The following MYO1E variants were observed in gnomAD, a reference collection of about 807,000 sequenced individuals.
The protein encoded by MYO1E is myosin IE, also known as unconventional myosin-Ie.
In MYO1E, 68 loss-of-function variants were observed where a neutral mutation model predicts 151.1. The observed-to-expected ratio is 0.45, with a 90% CI of 0.37 to 0.55. The LOEUF is 0.55. Ranked by LOEUF, MYO1E falls within the 20% of genes least tolerant of loss-of-function variation. MYO1E has a pLI of 0.00. For missense variants in MYO1E, 1,363 were observed against 1,389.3 expected (o/e 0.98, Z 0.30); for synonymous variants, 601 against 501.7 (o/e 1.20, Z -2.64).
Position 59,230,215 on chromosome 15 carries a change from AGTGTGTGTTTGTGTGT to A in MYO1E, c.510+1471_510+1486del, listed in dbSNP as rs367702001. Among the ~76,000 whole-genome samples the A allele has an allele frequency of 5.4e-3, 638 of 118,408 alleles. 4 individuals carry two copies. The highest frequency in any genetic ancestry group is 7.9e-3 in the Middle Eastern group (2 of 252). 77.7% of individuals were successfully genotyped at this position (118,408 alleles called of 152,430 possible). On this transcript the variant is annotated intron_variant, in intron 6 of 27. Coordinates refer to ENST00000288235, the MANE Select transcript of MYO1E (RefSeq NM_004998.4). ...GGTGAATAGTGAGAGAGAGAGAGAC[AGTGTGTGTTTGTGTGT>A]GTGTGTGTGTGTGTGTGTGTGTGCA...
chr15:59,151,613 G>A (rs1452361751), intron 26 of MYO1E, among the ~76,000 whole-genome samples: 2 of 152,082 alleles, frequency 1.3e-5, no homozygotes, highest in African/African-American at 2.4e-5. Context: ...TCAAATAATA[G>A]GGCATAAAGA....
chr15:59,161,821 T>C (rs2079539595), intron 23 of MYO1E, among the ~76,000 whole-genome samples: 1 of 152,234 alleles, frequency 6.6e-6, no homozygotes. Context: ...TGCTTCTATA[T>C]TGCATATATG....
At chr15:59,236,510 T>A (rs2080067283) in intron 5 of MYO1E, 75 bp downstream of exon 5, 1 of 1,308,194 alleles carries the variant, frequency 7.6e-7, no homozygotes, top group Admixed American at 1.7e-5. Flanking sequence ...GAAGAAAAAT[T>A]CTTTTCTAAC....
intron 1 of MYO1E, among the ~76,000 whole-genome samples, chr15:59,291,406 C>A (rs965845569): frequency 6.6e-6 from 1 of 152,010 alleles, no homozygotes; most frequent in Non-Finnish European, 1.5e-5. Flanking sequence ...AAGGTTTCAC[C>A]GATTGTTTGT....
At chr15:59,209,502 C>A (rs1259890590) in intron 13 of MYO1E, among the ~76,000 whole-genome samples, 1 of 151,782 alleles carries the variant, frequency 6.6e-6, no homozygotes, top group African/African-American at 2.4e-5. Flanking sequence ...ATGGTGAAAC[C>A]CCCTCTCTAC....
At chr15:59,221,440 A>G (rs1185407074) in intron 9 of MYO1E, among the ~76,000 whole-genome samples, 2 of 152,198 alleles carry the variant, frequency 1.3e-5, no homozygotes, top group African/African-American at 2.4e-5. Flanking sequence ...AGGGAACACA[A>G]GAGACTGAGA....
intron 4 of MYO1E, among the ~76,000 whole-genome samples, chr15:59,248,005 G>A (rs1246956507): frequency 1.3e-4 from 20 of 151,636 alleles, no homozygotes; most frequent in Non-Finnish European, 1.2e-4. Flanking sequence ...GCACACCCCT[G>A]TAATCCCAGC....
chr15:59,182,456 G>A (rs1289852715), intron 18 of MYO1E, among the ~76,000 whole-genome samples: 1 of 152,146 alleles, frequency 6.6e-6, no homozygotes, highest in Non-Finnish European at 1.5e-5. Context: ...GAGGTGATCT[G>A]CCCACTGCGG....
At position 59,136,560 on chromosome 15, in the gene MYO1E, T is replaced by C; in HGVS notation, c.*820A>G. 1 of 369,074 alleles carries C rather than the reference T, an allele frequency of 2.7e-6. No homozygotes were observed. Among genetic ancestry groups the C allele is most frequent in the South Asian group, 2.0e-5 (1 of 49,594 alleles). The allele number at this position is 369,074 out of a possible 1,614,324, so 22.9% of individuals were successfully genotyped here. ...AAACCTACCTTATGAATGAGTACAG[T>C]GGAATACTACTTAGTACATTCATAC... On this transcript the variant is annotated 3_prime_UTR_variant, in exon 28 of 28. Coordinates refer to ENST00000288235, the MANE Select transcript of MYO1E (RefSeq NM_004998.4).
In MYO1E at chr15:59,372,298, T is replaced by C. The variant is rs117459487; in HGVS notation, c.3+200A>G. Among the ~76,000 whole-genome samples, 1,950 of 152,244 alleles carry C rather than the reference T, an allele frequency of 0.013. 22 individuals carry two copies. Among genetic ancestry groups the C allele is most frequent in the Non-Finnish European group, 0.015 (1,053 of 67,986 alleles). On this transcript the variant is annotated intron_variant, in intron 1 of 27. Transcript: ENST00000288235. ...CGCAGAAACCGACTTGGAATAAAGTTTTCCTTGGCCCCTCGCTCGCTCTCC... is the reference window on the plus strand; with the variant it reads ...CGCAGAAACCGACTTGGAATAAAGTCTTCCTTGGCCCCTCGCTCGCTCTCC...
intron 16 of MYO1E, among the ~76,000 whole-genome samples, chr15:59,198,799 AC>A (rs2079783653): frequency 6.6e-6 from 1 of 150,708 alleles, no homozygotes; most frequent in Non-Finnish European, 1.5e-5. Context: ...AGCCTGGGTG[AC>A]ACAGCAAGGC....
intron 8 of MYO1E, among the ~76,000 whole-genome samples, chr15:59,223,516 G>A (rs1230315089): frequency 6.6e-6 from 1 of 152,126 alleles, no homozygotes; most frequent in Admixed American, 6.5e-5. Flanking sequence ...GAATACTCCA[G>A]GAGGAAAGAG....
chr15:59,309,749 C>A (rs1052007063), intron 1 of MYO1E, among the ~76,000 whole-genome samples: 2 of 152,188 alleles, frequency 1.3e-5, no homozygotes, highest in Non-Finnish European at 2.9e-5. Flanking sequence ...GGTTGCCCTT[C>A]GGTTTCTTCC....
chr15:59,298,104 C>T (rs2080461516), intron 1 of MYO1E, among the ~76,000 whole-genome samples: 1 of 152,106 alleles, frequency 6.6e-6, no homozygotes, highest in Non-Finnish European at 1.5e-5. Context: ...TCCAACTTCC[C>T]CACTGCGTAA....
chr15:59,261,236 A>T (rs1449153311), intron 3 of MYO1E, among the ~76,000 whole-genome samples, 184 bp downstream of exon 3: 2 of 151,172 alleles, frequency 1.3e-5, no homozygotes, highest in Admixed American at 1.3e-4. Context: ...ATAAAAATAA[A>T]ATAATAAAAA....
chr15:59,250,821 C>T (rs1398526090), intron 4 of MYO1E, among the ~76,000 whole-genome samples: 2 of 152,126 alleles, frequency 1.3e-5, no homozygotes, highest in Admixed American at 1.3e-4. Flanking sequence ...AACAGAAATC[C>T]TTGGGAGCAG....
At chr15:59,322,034 G>C (rs1410169304) in intron 1 of MYO1E, among the ~76,000 whole-genome samples, 1 of 151,970 alleles carries the variant, frequency 6.6e-6, no homozygotes, top group Non-Finnish European at 1.5e-5. Flanking sequence ...AAATAGCTGG[G>C]TGTGGTGGCG....
chr15:59,290,037 C>T lies in MYO1E; in HGVS notation c.4-17588G>A, dbSNP rs115282300. The stretch of plus-strand genomic sequence containing the variant: ...AGCACCAACCATGTTCCCAATGCTA[C>T]GTTAGGTGCTTTGCGTACATTGTTT... On this transcript the variant is annotated intron_variant, in intron 1 of 27. Coordinates refer to ENST00000288235, the MANE Select transcript of MYO1E (RefSeq NM_004998.4). 6.0e-3 allele frequency among the ~76,000 whole-genome samples: 916 copies of T among 152,328 alleles called. 4 individuals carry two copies. Among genetic ancestry groups the T allele is most frequent in the Middle Eastern group, 0.017 (5 of 294 alleles).
chr15:59,277,994 T>C (rs2080331092), intron 1 of MYO1E, among the ~76,000 whole-genome samples: 1 of 152,214 alleles, frequency 6.6e-6, no homozygotes, highest in Non-Finnish European at 1.5e-5. Flanking sequence ...TTTTTAATCA[T>C]ATGCATGTGT....
Sources: gnomAD v4.1 joint callset for allele counts (sites outside exome capture counted in the v4.1 genomes callset) on GRCh38, gnomAD v4.1.1 for gene constraint, MANE v1.5 for transcripts, NCBI Gene and HGNC (gene_info 2026-07-23, HGNC 2026-07-21) for gene names.